The following SLC35F1 variants were observed in gnomAD, a reference collection of about 807,000 sequenced individuals.
The protein encoded by SLC35F1 is solute carrier family 35 member F1.
SLC35F1 carries 14 observed loss-of-function variants against 48.7 expected under a neutral mutation model. That is an observed-to-expected ratio of 0.29 (90% CI 0.19 to 0.45). The LOEUF (loss-of-function observed/expected upper bound fraction) is 0.45, where lower values mean the gene tolerates loss of function less well. Ranked by LOEUF, SLC35F1 falls within the 20% of genes least tolerant of loss-of-function variation. SLC35F1 has a pLI of 1.00. For synonymous variants in SLC35F1, 190 were observed against 202.2 expected (o/e 0.94, Z 0.51); for missense variants, 404 against 500.0 (o/e 0.81, Z 1.83).
intron 7 of SLC35F1, among the ~76,000 whole-genome samples, chr6:118,311,321 TG>T (rs1393020516): frequency 3.3e-5 from 5 of 152,224 alleles, no homozygotes; most frequent in African/African-American, 1.2e-4. Context: ...ACTACTCCAC[TG>T]GTACAGGCTG....
chr6:118,137,594 C>T (rs1314255390), intron 1 of SLC35F1, among the ~76,000 whole-genome samples: 14 of 152,174 alleles, frequency 9.2e-5, no homozygotes, highest in Admixed American at 9.2e-4. Context: ...ACTGGACCAC[C>T]CATATGCATA....
chr6:118,163,267 G>A (rs1442483098), intron 2 of SLC35F1, among the ~76,000 whole-genome samples: 1 of 151,994 alleles, frequency 6.6e-6, no homozygotes, highest in Non-Finnish European at 1.5e-5. Flanking sequence ...CCTGGCCAAT[G>A]TGTATGAATC....
At chr6:118,041,484 T>G (rs749987488) in intron 1 of SLC35F1, among the ~76,000 whole-genome samples, 1 of 152,084 alleles carries the variant, frequency 6.6e-6, no homozygotes, top group Non-Finnish European at 1.5e-5. Context: ...TGCCTACTAT[T>G]GTGCCAGACA....
chr6:118,306,366 T>A (rs1776312010), intron 7 of SLC35F1, among the ~76,000 whole-genome samples: 1 of 152,162 alleles, frequency 6.6e-6, no homozygotes, highest in Non-Finnish European at 1.5e-5. Flanking sequence ...TTGATTCCAT[T>A]GTAATGGGGC....
intron 1 of SLC35F1, among the ~76,000 whole-genome samples, chr6:117,924,667 G>A (rs1163295400): frequency 6.6e-6 from 1 of 151,966 alleles, no homozygotes; most frequent in Non-Finnish European, 1.5e-5. Flanking sequence ...GTTGTTTACT[G>A]TGACAAGCTT....
chr6:118,295,208 G>A (rs1436201146), intron 7 of SLC35F1, among the ~76,000 whole-genome samples: 1 of 151,990 alleles, frequency 6.6e-6, no homozygotes, highest in Non-Finnish European at 1.5e-5. Flanking sequence ...AATAACTCTG[G>A]ACCTGAGGTC....
intron 1 of SLC35F1, among the ~76,000 whole-genome samples, chr6:118,077,421 G>T (rs1364761721): frequency 6.6e-6 from 1 of 152,226 alleles, no homozygotes; most frequent in Non-Finnish European, 1.5e-5. Context: ...CTCTACAAGA[G>T]AGACAGGGAA....
intron 1 of SLC35F1, among the ~76,000 whole-genome samples, chr6:118,011,271 T>C (rs1777242555): frequency 6.6e-6 from 1 of 152,172 alleles, no homozygotes; most frequent in African/African-American, 2.4e-5. Context: ...ATAGGTTTAA[T>C]TGGCTCACAG....
chr6:118,297,637 T>TATAA (rs1179727493), intron 7 of SLC35F1, among the ~76,000 whole-genome samples: 2 of 107,080 alleles, frequency 1.9e-5, no homozygotes, highest in African/African-American at 7.3e-5. Context: ...TATATATATA[T>TATAA]AAAAAATATA....
At chr6:117,999,099 A>G in intron 1 of SLC35F1, 1 of 1,556,506 alleles carries the variant, frequency 6.4e-7, no homozygotes, top group South Asian at 1.1e-5. Context: ...TTCCTGAGGA[A>G]CATGCGCTTT....
intron 1 of SLC35F1, among the ~76,000 whole-genome samples, chr6:117,927,572 G>T (rs553909284): frequency 6.6e-6 from 1 of 152,182 alleles, no homozygotes; most frequent in Non-Finnish European, 1.5e-5. Context: ...CTGTGCTTTT[G>T]CAGTGAGAAC....
chr6:117,947,903 A>C (rs534909748), intron 1 of SLC35F1, among the ~76,000 whole-genome samples: 1 of 152,174 alleles, frequency 6.6e-6, no homozygotes, highest in Non-Finnish European at 1.5e-5. Flanking sequence ...GAAATCTCCA[A>C]GGAATTGAGT....
intron 1 of SLC35F1, among the ~76,000 whole-genome samples, chr6:118,029,340 A>T (rs1476352497): frequency 6.6e-6 from 1 of 152,148 alleles, no homozygotes; most frequent in Non-Finnish European, 1.5e-5. Flanking sequence ...GTTGTAAAAT[A>T]GGTGAGTACA....
At chr6:118,094,907 G>A (rs1016704039) in intron 1 of SLC35F1, among the ~76,000 whole-genome samples, 1 of 151,898 alleles carries the variant, frequency 6.6e-6, no homozygotes, top group Non-Finnish European at 1.5e-5. Context: ...GGTGGAGGTT[G>A]CAGTCAGCCG....
At chr6:118,114,819 T>C (rs1325220440) in intron 1 of SLC35F1, among the ~76,000 whole-genome samples, 2 of 152,228 alleles carry the variant, frequency 1.3e-5, no homozygotes, top group Non-Finnish European at 2.9e-5. Flanking sequence ...GTATTTACGA[T>C]GTGCTACTTT....
chr6:118,180,529 A>G (rs1489023099), intron 2 of SLC35F1, among the ~76,000 whole-genome samples: 1 of 152,130 alleles, frequency 6.6e-6, no homozygotes, highest in Non-Finnish European at 1.5e-5. Flanking sequence ...AAAAACAACA[A>G]ATAGAATTTC....
At chr6:118,036,106 G>A (rs548543565) in intron 1 of SLC35F1, among the ~76,000 whole-genome samples, 2 of 152,100 alleles carry the variant, frequency 1.3e-5, no homozygotes, top group African/African-American at 4.8e-5. Context: ...GTTTTTATGT[G>A]TATAGCTTCT....
At chr6:118,016,325 G>A (rs897457068) in intron 1 of SLC35F1, among the ~76,000 whole-genome samples, 1 of 152,136 alleles carries the variant, frequency 6.6e-6, no homozygotes, top group Non-Finnish European at 1.5e-5. Flanking sequence ...TTTGATGCTT[G>A]GGGCAAACGG....
At chr6:118,096,981 CTTT>C (rs1347996466) in intron 1 of SLC35F1, among the ~76,000 whole-genome samples, 1 of 152,204 alleles carries the variant, frequency 6.6e-6, no homozygotes, top group African/African-American at 2.4e-5. Context: ...TCTTCATCTT[CTTT>C]ACCTCCATTC....
Sources: gnomAD v4.1 joint callset for allele counts (sites outside exome capture counted in the v4.1 genomes callset) on GRCh38, gnomAD v4.1.1 for gene constraint, MANE v1.5 for transcripts, NCBI Gene and HGNC (gene_info 2026-07-23, HGNC 2026-07-21) for gene names.